IREB2: variants seen among roughly 807,000 people sequenced by gnomAD.
IREB2 encodes iron responsive element binding protein 2.
In IREB2, 39 loss-of-function variants were observed where a neutral mutation model predicts 118.8. The ratio of observed to expected loss-of-function variants is 0.33; its 90% confidence interval spans 0.25 to 0.43. The LOEUF is 0.43. Ranked by LOEUF, IREB2 falls within the 20% of genes least tolerant of loss-of-function variation. The pLI is 1.00. For synonymous variants in IREB2, 372 were observed against 392.2 expected (o/e 0.95, Z 0.61); for missense variants, 900 against 1,147.3 (o/e 0.78, Z 3.11).
intron 10 of IREB2, among the ~76,000 whole-genome samples, chr15:78,482,080 C>G (rs950397085): frequency 7.9e-5 from 12 of 151,902 alleles, no homozygotes; most frequent in Admixed American, 3.3e-4. Flanking sequence ...CTAAAATTCA[C>G]TTAGCCAGGC....
At chr15:78,489,430 A>G (rs1052200059) in intron 16 of IREB2, among the ~76,000 whole-genome samples, 5 of 152,242 alleles carry the variant, frequency 3.3e-5, no homozygotes, top group Non-Finnish European at 5.9e-5. Flanking sequence ...ATTGAACAAA[A>G]CACAAAATTC....
At chr15:78,452,349 A>C (rs2051039642) in intron 2 of IREB2, among the ~76,000 whole-genome samples, 1 of 152,156 alleles carries the variant, frequency 6.6e-6, no homozygotes, top group African/African-American at 2.4e-5. Context: ...TACCAGTATT[A>C]AAGTAAACAT....
intron 2 of IREB2, among the ~76,000 whole-genome samples, chr15:78,454,383 A>G (rs999205160): frequency 3.9e-5 from 6 of 152,200 alleles, no homozygotes; most frequent in African/African-American, 1.4e-4. Context: ...TACAATGTGG[A>G]TGAACTGTAA....
At chr15:78,452,322 TAG>T (rs1444846424) in intron 2 of IREB2, among the ~76,000 whole-genome samples, 2 of 152,154 alleles carry the variant, frequency 1.3e-5, no homozygotes, top group African/African-American at 4.8e-5. Flanking sequence ...GTTTAGGTAC[TAG>T]TGAAGTTGGG....
At position 78,438,343 on chromosome 15, in the gene IREB2, C is replaced by T. The variant is rs1247778428; in HGVS notation, c.6C>T (p.Asp2=). 2 of 1,596,652 alleles carry T rather than the reference C, an allele frequency of 1.3e-6. No individual in the cohort carries two copies. Among genetic ancestry groups the T allele is most frequent in the Non-Finnish European group, 1.7e-6 (2 of 1,172,430 alleles). The change falls in exon 1 of 22, where the codon GAC becomes GAT. Residue 2 remains aspartate, a synonymous_variant. Transcript: ENST00000258886. The part of the protein sequence containing the change: M[D]APKAGYAFEY... ...GGATAATATGGTCTCCGGCGATGGA[C>T]GCCCCAAAAGCAGGTCAGTTTCGGG... is the stretch of plus-strand genomic sequence containing the variant.
rs1398348573 is a variant in IREB2, at chr15:78,471,767, G to T, written c.726G>T (p.Val242=). 6.2e-7 allele frequency: 1 copy of T among 1,609,060 alleles called. No homozygotes were observed. The highest frequency in any genetic ancestry group is 2.2e-5 in the East Asian group (1 of 44,824). The part of the protein sequence containing the change: ...FKWSSRVFKN[V]AVIPPGTGMA... ...GGAGTTCAAGAGTTTTTAAGAATGTGGCAGTGATCCCTCCTGGAACTGGAA... is the reference window on the plus strand; with the variant it reads ...GGAGTTCAAGAGTTTTTAAGAATGTTGCAGTGATCCCTCCTGGAACTGGAA... The change falls in exon 7 of 22, where the codon GTG becomes GTT. Residue 242 remains valine (V), a synonymous_variant. Coordinates refer to ENST00000258886, the MANE Select transcript of IREB2 (RefSeq NM_004136.4).
In IREB2 at chr15:78,484,908, A is replaced by G. The variant is rs553171458; in HGVS notation, c.1561A>G (p.Met521Val). ...TACCAATAATTGCAATCCATCTGTCATGCTTGCTGCAGGTGGGTTGTGGTT... is the reference window on the plus strand; with the variant it reads ...TACCAATAATTGCAATCCATCTGTCGTGCTTGCTGCAGGTGGGTTGTGGTT... Reference protein sequence around the residue: ...SCTNNCNPSVMLAAGLLAKKA... With the variant: ...SCTNNCNPSVVLAAGLLAKKA... Residue 521 changes from methionine to valine, a missense_variant, in exon 12 of 22, where the codon ATG becomes GTG. Transcript: ENST00000258886. The G allele has an allele frequency of 6.8e-6, 11 of 1,613,322 alleles. No individual in the cohort carries two copies. Among genetic ancestry groups the G allele is most frequent in the African/African-American group, 1.3e-5 (1 of 75,030 alleles).
chr15:78,494,484 A>G (rs1034936634), intron 20 of IREB2, among the ~76,000 whole-genome samples: 1 of 152,204 alleles, frequency 6.6e-6, no homozygotes. Flanking sequence ...TAAAACCTAC[A>G]TCAGTCTTAT....
At chr15:78,459,208 A>G (rs934462399) in intron 2 of IREB2, among the ~76,000 whole-genome samples, 4 of 152,300 alleles carry the variant, frequency 2.6e-5, no homozygotes, top group East Asian at 1.9e-4. Context: ...ATATTTTACC[A>G]TATTTTAACC....
intron 20 of IREB2, among the ~76,000 whole-genome samples, chr15:78,496,307 G>T (rs113775624): frequency 0.012 from 1,887 of 152,144 alleles, 31 homozygotes; most frequent in African/African-American, 0.043. Flanking sequence ...TCACTCTGTC[G>T]TCCAGGCTGG....
At chr15:78,446,167 T>C (rs952231771) in intron 2 of IREB2, among the ~76,000 whole-genome samples, 1 of 152,336 alleles carries the variant, frequency 6.6e-6, no homozygotes, top group South Asian at 2.1e-4. Context: ...GACACAAATC[T>C]GTTCATCTTG....
chr15:78,462,186 C>T (rs1027526808), intron 2 of IREB2, among the ~76,000 whole-genome samples: 2 of 152,096 alleles, frequency 1.3e-5, no homozygotes, highest in Non-Finnish European at 2.9e-5. Flanking sequence ...TATTCTGGAG[C>T]TCACTGTTTA....
At chr15:78,497,845 G>A (rs886329504) in intron 21 of IREB2, among the ~76,000 whole-genome samples, 188 bp from the exon 22 acceptor site, 7 of 152,132 alleles carry the variant, frequency 4.6e-5, no homozygotes, top group Non-Finnish European at 1.0e-4. Flanking sequence ...CCATGGTCAG[G>A]TATCTCAGGT....
chr15:78,488,151 ATTTG>A lies in IREB2; in HGVS notation c.1795-23_1795-20del, dbSNP rs1373916365. 8 of 1,585,204 alleles carry A rather than the reference ATTTG, an allele frequency of 5.0e-6. No homozygotes were observed. The South Asian group carries it at 8.1e-5, about 16-fold the overall frequency. On this transcript the variant is annotated intron_variant, in intron 14 of 21. Coordinates refer to ENST00000258886, the MANE Select transcript of IREB2 (RefSeq NM_004136.4). ...TTGTACCATCTCTAGAATTGAATTT[ATTTG>A]TTTGTGTGTTTGTGTTTTTTTCAGG...
chr15:78,469,736 G>A (rs1366806045), intron 5 of IREB2, among the ~76,000 whole-genome samples: 1 of 151,996 alleles, frequency 6.6e-6, no homozygotes, highest in African/African-American at 2.4e-5. Flanking sequence ...AAAAAAAAAG[G>A]TTGACAATTA....
rs147732146 is a variant in IREB2 at position 78,478,316 on chromosome 15, C to T, written c.1215C>T (p.Leu405=). The T allele has an allele frequency of 2.1e-3, 3,377 of 1,612,030 alleles. 7 individuals carry two copies. The highest frequency in any genetic ancestry group is 2.6e-3 in the Non-Finnish European group (3,094 of 1,178,364). Residue 405 remains leucine (L), a synonymous_variant, in exon 10 of 22, where the codon CTC becomes CTT. Coordinates refer to ENST00000258886, the MANE Select transcript of IREB2 (RefSeq NM_004136.4). ...LEHTGFSKAK[L]ESMETYLKAV... is the part of the protein sequence containing the mutation. The stretch of plus-strand genomic sequence containing the variant: ...TTTTAGGTTTTAGCAAAGCCAAACT[C>T]GAATCAATGGAAACATACCTTAAAG...
rs1469086845 is a variant in IREB2, at chr15:78,473,516, TATC to T, written c.1023+138_1023+140del. 3.9e-5 allele frequency: 25 copies of T among 643,836 alleles called. No homozygotes were observed. In the East Asian group the frequency reaches 4.3e-4, roughly 11 times the overall value. 39.9% of individuals were successfully genotyped at this position (643,836 alleles called of 1,614,324 possible). A position where few individuals can be genotyped will look rare whatever the true frequency, so the allele number is the denominator to read the frequency against. ...TTGACGTTAGCCACATCATCATAGT[TATC>T]ATAGTAATAACAACAAACAGAGCAT... On this transcript the variant is annotated intron_variant, in intron 8 of 21. Transcript: ENST00000258886.
chr15:78,458,580 T>C (rs975155237), intron 2 of IREB2, among the ~76,000 whole-genome samples: 1 of 152,102 alleles, frequency 6.6e-6, no homozygotes, highest in African/African-American at 2.4e-5. Flanking sequence ...CAGCTGGTCA[T>C]CATGCTTTCT....
chr15:78,470,689 C>CTT (rs67871183), intron 6 of IREB2, 88 bp downstream of exon 6: 4,582 of 208,314 alleles, frequency 0.022, 12 homozygotes, highest in East Asian at 0.031. Context: ...TTTTCTTTTC[C>CTT]TTTTTTTTTT....
Sources: allele counts gnomAD v4.1 joint callset (sites outside exome capture counted in the v4.1 genomes callset), GRCh38; gene constraint gnomAD v4.1.1; transcripts MANE v1.5; gene names NCBI Gene and HGNC (gene_info 2026-07-23, HGNC 2026-07-21).